The following CCDC141 variants were observed in gnomAD, a reference collection of about 807,000 sequenced individuals.
CCDC141 encodes coiled-coil domain containing 141.
Under a neutral mutation model 181.0 loss-of-function variants are expected in CCDC141, and 168 were observed. The observed-to-expected ratio is 0.93, with a 90% CI of 0.82 to 1.05. The LOEUF is 1.05. Ranked by LOEUF, CCDC141 falls within the 50% of genes least tolerant of loss-of-function variation. The pLI, the probability that CCDC141 is intolerant of heterozygous loss-of-function variation, is 0.00. For synonymous variants in CCDC141, 666 were observed against 642.3 expected (o/e 1.04, Z -0.56); for missense variants, 1,902 against 1,788.5 (o/e 1.06, Z -1.14).
intron 5 of CCDC141, among the ~76,000 whole-genome samples, chr2:178,950,753 G>A (rs78460728): frequency 0.016 from 2,408 of 152,162 alleles, 63 homozygotes; most frequent in African/African-American, 0.055. Context: ...TCAAATCCCG[G>A]TATTCTCTGT....
chr2:178,817,861 G>A, the CCDC141 span, among the ~76,000 whole-genome samples: 1 of 133,268 alleles, frequency 7.5e-6, no homozygotes, highest in Non-Finnish European at 1.5e-5. Context: ...GGAGTGCAGT[G>A]GCACAATCTC....
chr2:178,843,914 G>A (rs1449186552), intron 22 of CCDC141, among the ~76,000 whole-genome samples: 2 of 152,144 alleles, frequency 1.3e-5, no homozygotes, highest in African/African-American at 4.8e-5. Context: ...ATAACATGAC[G>A]TTAATAACAA....
Position 179,047,216 on chromosome 2 carries a change from A to C in CCDC141, c.225+68T>G. Reference sequence around the variant, plus strand: ...CTAGGCCAGTAACAGCAGAGGAATCAAGAAGTATAAGAAATAGTTTTTTAT... The same window carrying C: ...CTAGGCCAGTAACAGCAGAGGAATCCAGAAGTATAAGAAATAGTTTTTTAT... On this transcript the variant is annotated intron_variant, in intron 2 of 23. Coordinates refer to ENST00000443758, the MANE Select transcript of CCDC141 (RefSeq NM_173648.4). The C allele has an allele frequency of 2.2e-6, 3 of 1,384,490 alleles. No homozygotes were observed. The South Asian group carries it at 5.2e-5, about 24-fold the overall frequency. 85.8% of individuals were successfully genotyped at this position (1,384,490 alleles called of 1,614,324 possible). A position where few individuals can be genotyped will look rare whatever the true frequency, so the allele number is the denominator to read the frequency against.
At chr2:178,919,169 T>C (rs907115125) in intron 6 of CCDC141, among the ~76,000 whole-genome samples, 2 of 152,156 alleles carry the variant, frequency 1.3e-5, no homozygotes, top group Non-Finnish European at 2.9e-5. Context: ...GGCACCCTGA[T>C]CTCAAACTTC....
chr2:178,992,191 C>G (rs1692085863), intron 2 of CCDC141, among the ~76,000 whole-genome samples: 1 of 151,886 alleles, frequency 6.6e-6, no homozygotes, highest in South Asian at 2.1e-4. Context: ...ATTTTCATTT[C>G]TCTAGGTATT....
chr2:178,865,787 T>C lies in CCDC141; in HGVS notation c.2704A>G (p.Met902Val). The C allele has an allele frequency of 2.6e-6, 4 of 1,562,276 alleles. No individual in the cohort carries two copies. The highest frequency in any genetic ancestry group is 2.3e-5 in the East Asian group (1 of 43,132). ...TLSRSVEYCAMRDEINELKDS... is the reference protein window; with the variant it reads ...TLSRSVEYCAVRDEINELKDS... ...CCCACCTCATTTATCTCGTCTCTCA[T>C]GGCGCAGTACTCCACACTACGGGAC... Residue 902 changes from methionine to valine, a missense_variant, in exon 17 of 24, where the codon ATG (methionine) becomes GTG (valine). Physicochemically the swap from Met to Val is conservative, Grantham distance 21 (BLOSUM62 1). Transcript: ENST00000443758.
intron 6 of CCDC141, among the ~76,000 whole-genome samples, chr2:178,928,126 G>T (rs1424373406): frequency 6.6e-6 from 1 of 152,118 alleles, no homozygotes; most frequent in Admixed American, 6.6e-5. Flanking sequence ...AGAGAAACCG[G>T]GTGACTGAGT....
At chr2:178,896,914 T>C (rs563464234) in intron 8 of CCDC141, among the ~76,000 whole-genome samples, 47 of 152,244 alleles carry the variant, frequency 3.1e-4, no homozygotes, top group African/African-American at 1.1e-3. Context: ...TCTTTGAGCA[T>C]AGTGTACCTC....
At chr2:179,030,357 A>T (rs2042968678) in intron 2 of CCDC141, among the ~76,000 whole-genome samples, 1 of 152,100 alleles carries the variant, frequency 6.6e-6, no homozygotes, top group African/African-American at 2.4e-5. Flanking sequence ...ACTATGGCAT[A>T]TTAACAAAAT....
intron 3 of CCDC141, among the ~76,000 whole-genome samples, chr2:178,978,200 G>A (rs574262701): frequency 6.4e-4 from 98 of 152,016 alleles, no homozygotes; most frequent in African/African-American, 2.3e-3. Context: ...TTCTATAGAG[G>A]GAAATAATCG....
At chr2:178,879,243 A>G (rs1277502147) in intron 11 of CCDC141, among the ~76,000 whole-genome samples, 1 of 152,252 alleles carries the variant, frequency 6.6e-6, no homozygotes, top group South Asian at 2.1e-4. Flanking sequence ...TGCATTTTCA[A>G]TAATACTAAT....
intron 20 of CCDC141, among the ~76,000 whole-genome samples, chr2:178,851,548 A>C (rs1022283724): frequency 1.3e-5 from 2 of 152,208 alleles, no homozygotes; most frequent in African/African-American, 4.8e-5. Context: ...CCACGTGAAG[A>C]GGCAGCAAGG....
intron 2 of CCDC141, among the ~76,000 whole-genome samples, chr2:179,003,221 A>G (rs1479520174): frequency 6.6e-6 from 1 of 152,218 alleles, no homozygotes; most frequent in Non-Finnish European, 1.5e-5. Flanking sequence ...GTTTTCCAAC[A>G]ACAAAAAAAA....
At chr2:178,817,886 T>C in the CCDC141 span, among the ~76,000 whole-genome samples, 1 of 132,560 alleles carries the variant, frequency 7.5e-6, no homozygotes, top group Non-Finnish European at 1.6e-5. Context: ...CACTGCAACC[T>C]GTTCCTCCCA....
intron 2 of CCDC141, among the ~76,000 whole-genome samples, chr2:179,008,969 C>A (rs1032890210): frequency 2.0e-5 from 3 of 152,342 alleles, no homozygotes; most frequent in African/African-American, 4.8e-5. Flanking sequence ...ATTTCAGCCA[C>A]TGCCTACTTG....
chr2:178,974,184 A>G (rs1214155453), intron 4 of CCDC141, among the ~76,000 whole-genome samples: 1 of 152,172 alleles, frequency 6.6e-6, no homozygotes, highest in East Asian at 1.9e-4. Context: ...GGTAATATAA[A>G]CACTAAATCT....
chr2:178,955,739 G>T (rs1054540945), intron 5 of CCDC141, among the ~76,000 whole-genome samples: 1 of 152,044 alleles, frequency 6.6e-6, no homozygotes, highest in Admixed American at 6.5e-5. Context: ...GTAGCAATCT[G>T]CTTGGAGGGT....
intron 2 of CCDC141, among the ~76,000 whole-genome samples, chr2:178,996,531 T>C (rs2154382920): frequency 6.6e-6 from 1 of 152,306 alleles, no homozygotes; most frequent in South Asian, 2.1e-4. Flanking sequence ...AAATGGGCTA[T>C]TTCTATATCT....
At chr2:178,932,732 T>G (rs1689148250) in intron 6 of CCDC141, among the ~76,000 whole-genome samples, 1 of 152,216 alleles carries the variant, frequency 6.6e-6, no homozygotes, top group Non-Finnish European at 1.5e-5. Context: ...TTCTTTTGTT[T>G]AGTTTTATGT....
Sources: allele counts gnomAD v4.1 joint callset (sites outside exome capture counted in the v4.1 genomes callset), GRCh38; gene constraint gnomAD v4.1.1; transcripts MANE v1.5; gene names NCBI Gene and HGNC (gene_info 2026-07-23, HGNC 2026-07-21).